Variants in LHFPL3 observed in about 807,000 individuals in gnomAD.
LHFPL3 encodes LHFPL tetraspan subfamily member 3.
Under a neutral mutation model 19.3 loss-of-function variants are expected in LHFPL3, and 5 were observed. The ratio of observed to expected loss-of-function variants is 0.26; its 90% CI spans 0.14 to 0.54. The LOEUF is 0.54. LHFPL3 is among the 20% of genes least tolerant of loss of function. The pLI is 0.94. For synonymous variants in LHFPL3, 133 were observed against 126.2 expected (o/e 1.05, Z -0.36); for missense variants, 249 against 307.4 (o/e 0.81, Z 1.42).
intron 1 of LHFPL3, among the ~76,000 whole-genome samples, chr7:104,629,149 C>G (rs533096950): frequency 2.6e-4 from 40 of 152,138 alleles, no homozygotes; most frequent in African/African-American, 9.6e-4. Context: ...TAAATAAGTC[C>G]TGTTGTTCTT....
chr7:104,886,489 C>G (rs1160180507), intron 2 of LHFPL3, among the ~76,000 whole-genome samples: 2 of 152,086 alleles, frequency 1.3e-5, no homozygotes, highest in African/African-American at 4.8e-5. Flanking sequence ...CTCAGCCTCC[C>G]GAGTAGTTGG....
chr7:104,408,864 CTTTTTTT>C lies in LHFPL3; in HGVS notation c.445+79652_445+79658del, dbSNP rs561975535. Among the ~76,000 whole-genome samples the C allele has an allele frequency of 9.5e-5, 10 of 105,436 alleles. No individual in the cohort carries two copies. In the East Asian group the frequency reaches 1.7e-3, roughly 18 times the overall value. The allele number at this position is 105,436 out of a possible 152,430, so 69.2% of individuals were successfully genotyped here. A position where few individuals can be genotyped will look rare whatever the true frequency, so the allele number is the denominator to read the frequency against. On this transcript the variant is annotated intron_variant, in intron 1 of 2. Coordinates refer to ENST00000424859, the MANE Select transcript of LHFPL3 (RefSeq NM_199000.3). ...AGGCACTAGTGTTGTAATTTTCTTTCTTTTTTTTTTTTTTTTTTGAGACGGAGTCTCG... is the reference window on the plus strand; with the variant it reads ...AGGCACTAGTGTTGTAATTTTCTTTCTTTTTTTTTTTGAGACGGAGTCTCG...
intron 2 of LHFPL3, among the ~76,000 whole-genome samples, chr7:104,879,544 A>T (rs1792008542): frequency 1.3e-5 from 2 of 152,154 alleles, no homozygotes; most frequent in Admixed American, 1.3e-4. Flanking sequence ...ATGTGGCAAG[A>T]TCCCATCTCC....
intron 2 of LHFPL3, among the ~76,000 whole-genome samples, chr7:104,858,622 G>A (rs962423341): frequency 6.6e-6 from 1 of 151,994 alleles, no homozygotes; most frequent in Admixed American, 6.6e-5. Context: ...GCCCCTGCTG[G>A]GATAAAACTC....
intron 1 of LHFPL3, among the ~76,000 whole-genome samples, chr7:104,616,559 A>G (rs1009002737): frequency 2.6e-5 from 4 of 152,162 alleles, no homozygotes; most frequent in Non-Finnish European, 5.9e-5. Context: ...AGGCAATACC[A>G]TTCAGGACAT....
chr7:104,407,014 C>G (rs1465698133), intron 1 of LHFPL3, among the ~76,000 whole-genome samples: 2 of 152,150 alleles, frequency 1.3e-5, no homozygotes, highest in African/African-American at 2.4e-5. Flanking sequence ...TTTGGGGCAC[C>G]ACAGGGGACC....
chr7:104,574,197 G>A (rs906302757), intron 1 of LHFPL3, among the ~76,000 whole-genome samples: 6 of 152,240 alleles, frequency 3.9e-5, no homozygotes, highest in Admixed American at 3.9e-4. Context: ...ATCAGAGAAA[G>A]TCCAACTAAG....
chr7:104,483,129 A>G (rs1041629867), intron 1 of LHFPL3, among the ~76,000 whole-genome samples: 2 of 152,214 alleles, frequency 1.3e-5, no homozygotes, highest in African/African-American at 2.4e-5. Flanking sequence ...AATATGCTCA[A>G]TGTGATTTTT....
intron 1 of LHFPL3, among the ~76,000 whole-genome samples, chr7:104,355,915 A>G (rs759364174): frequency 3.9e-5 from 6 of 152,232 alleles, no homozygotes; most frequent in Non-Finnish European, 7.3e-5. Flanking sequence ...ACAGATTCTC[A>G]TTTTAATAAG....
intron 1 of LHFPL3, among the ~76,000 whole-genome samples, chr7:104,673,372 G>A (rs769995896): frequency 5.3e-5 from 8 of 152,094 alleles, no homozygotes; most frequent in South Asian, 2.1e-4. Flanking sequence ...GTATGTTCTC[G>A]TCTAACACTT....
intron 2 of LHFPL3, among the ~76,000 whole-genome samples, chr7:104,773,981 AG>A (rs1487285615): frequency 5.3e-5 from 8 of 152,244 alleles, no homozygotes; most frequent in Non-Finnish European, 4.4e-5. Context: ...ACGAACACAA[AG>A]GGTAGGACAA....
intron 1 of LHFPL3, among the ~76,000 whole-genome samples, chr7:104,444,430 C>T (rs961845188): frequency 6.6e-6 from 1 of 151,990 alleles, no homozygotes; most frequent in Non-Finnish European, 1.5e-5. Context: ...TAGAAGACAC[C>T]CCCCTGTATT....
chr7:104,893,475 T>C (rs1792292679), intron 2 of LHFPL3, among the ~76,000 whole-genome samples: 1 of 151,196 alleles, frequency 6.6e-6, no homozygotes, highest in African/African-American at 2.4e-5. Context: ...TGAGCCAAGA[T>C]CACGCCACTA....
At chr7:104,475,337 T>A (rs1006462237) in intron 1 of LHFPL3, among the ~76,000 whole-genome samples, 4 of 152,176 alleles carry the variant, frequency 2.6e-5, no homozygotes, top group African/African-American at 9.6e-5. Flanking sequence ...TCTTGGTGGT[T>A]TTAACCTTTT....
chr7:104,594,913 C>T (rs186256166), intron 1 of LHFPL3, among the ~76,000 whole-genome samples: 6 of 152,208 alleles, frequency 3.9e-5, no homozygotes, highest in East Asian at 1.9e-4. Flanking sequence ...CTTCCCTACA[C>T]TGTTTATTCT....
At chr7:104,391,546 C>T (rs1356600901) in intron 1 of LHFPL3, among the ~76,000 whole-genome samples, 1 of 152,088 alleles carries the variant, frequency 6.6e-6, no homozygotes, top group Non-Finnish European at 1.5e-5. Flanking sequence ...TGGTCTATAT[C>T]TCTGTTTTGG....
chr7:104,845,296 A>G, intron 2 of LHFPL3: 1 of 768,530 alleles, frequency 1.3e-6, no homozygotes, highest in Admixed American at 2.0e-5. Flanking sequence ...GCCAGGAATG[A>G]CGTTGTCAGT....
chr7:104,583,809 C>T (rs1790509713), intron 1 of LHFPL3, among the ~76,000 whole-genome samples: 1 of 151,596 alleles, frequency 6.6e-6, no homozygotes, highest in Non-Finnish European at 1.5e-5. Flanking sequence ...CAGGAAACAA[C>T]AGGTGCTGGA....
chr7:104,679,543 G>C (rs1792654121), intron 1 of LHFPL3, among the ~76,000 whole-genome samples: 1 of 152,214 alleles, frequency 6.6e-6, no homozygotes, highest in African/African-American at 2.4e-5. Context: ...TAACTGGCTT[G>C]ATTGGTCAAT....
Sources: gnomAD v4.1 joint callset for allele counts (sites outside exome capture counted in the v4.1 genomes callset) on GRCh38, gnomAD v4.1.1 for gene constraint, MANE v1.5 for transcripts, NCBI Gene and HGNC (gene_info 2026-07-23, HGNC 2026-07-21) for gene names.